Variants in B4GALT6 observed in about 807,000 individuals in gnomAD.
B4GALT6 encodes beta-1,4-galactosyltransferase 6.
A neutral mutation model predicts 46.3 loss-of-function variants in B4GALT6; 14 were observed. The observed-to-expected ratio is 0.30, with a 90% CI of 0.20 to 0.47. B4GALT6 has a LOEUF of 0.47. Ranked by LOEUF, B4GALT6 falls within the 20% of genes least tolerant of loss-of-function variation. B4GALT6 has a pLI of 0.99. For synonymous variants in B4GALT6, 168 were observed against 162.0 expected (o/e 1.04, Z -0.28); for missense variants, 386 against 480.1 (o/e 0.80, Z 1.83).
upstream of B4GALT6, chr18:31,684,866 CCGG>C: frequency 1.3e-6 from 1 of 749,490 alleles, no homozygotes; most frequent in Non-Finnish European, 1.6e-6. Flanking sequence ...CTGCCCGCGC[CCGG>C]CGGGGTCCCG....
chr18:31,680,791 T>C (rs1026143575), intron 1 of B4GALT6, among the ~76,000 whole-genome samples: 2 of 152,252 alleles, frequency 1.3e-5, no homozygotes, highest in Admixed American at 6.5e-5. Context: ...CTCAAGCATC[T>C]GAACACCATG....
At chr18:31,711,256 A>C in the B4GALT6 span, among the ~76,000 whole-genome samples, 9 of 152,094 alleles carry the variant, frequency 5.9e-5, no homozygotes, top group Non-Finnish European at 1.3e-4. Context: ...TTTTATTTTA[A>C]ATTTTTAAAT....
At chr18:31,660,747 A>G (rs2074203487) in intron 2 of B4GALT6, among the ~76,000 whole-genome samples, 1 of 152,180 alleles carries the variant, frequency 6.6e-6, no homozygotes, top group South Asian at 2.1e-4. Flanking sequence ...AAGACAAATT[A>G]TCAAAGAAAT....
chr18:31,659,985 C>T (rs1307161596), intron 2 of B4GALT6, among the ~76,000 whole-genome samples: 1 of 128,080 alleles, frequency 7.8e-6, no homozygotes, highest in African/African-American at 3.0e-5. Context: ...CAGGATCTTG[C>T]TGTGTCACAT....
chr18:31,685,799 C>G (rs1026555941), upstream of B4GALT6: 3 of 152,324 alleles, frequency 2.0e-5, no homozygotes, highest in Admixed American at 2.0e-4. Context: ...CCTCGAGGAA[C>G]AAGGTGTATT....
intron 5 of B4GALT6, among the ~76,000 whole-genome samples, chr18:31,631,974 C>A (rs1251664649): frequency 6.6e-6 from 1 of 152,042 alleles, no homozygotes; most frequent in Non-Finnish European, 1.5e-5. Context: ...TACACAGAAC[C>A]CAACTCCCTA....
intron 4 of B4GALT6, among the ~76,000 whole-genome samples, chr18:31,639,225 G>C (rs898687697): frequency 2.6e-5 from 4 of 152,130 alleles, no homozygotes; most frequent in African/African-American, 9.7e-5. Flanking sequence ...TAAGAGGTAA[G>C]CTAGCAGGGT....
intron 5 of B4GALT6, among the ~76,000 whole-genome samples, chr18:31,633,915 G>A (rs1402903173): frequency 6.6e-6 from 1 of 152,214 alleles, no homozygotes; most frequent in Non-Finnish European, 1.5e-5. Context: ...GCAAAAGAAG[G>A]GGACTTGTCT....
chr18:31,624,315 C>T lies in B4GALT6; in HGVS notation c.*1299G>A, dbSNP rs542990673. The T allele has an allele frequency of 2.0e-4, 31 of 151,816 alleles. No homozygotes were observed. Among genetic ancestry groups the T allele is most frequent in the African/African-American group, 6.3e-4 (26 of 41,462 alleles). 9.4% of individuals were successfully genotyped at this position (151,816 alleles called of 1,614,324 possible). A position where few individuals can be genotyped will look rare whatever the true frequency, so the allele number is the denominator to read the frequency against. On this transcript the variant is annotated 3_prime_UTR_variant, in exon 9 of 9. Coordinates refer to ENST00000306851, the MANE Select transcript of B4GALT6 (RefSeq NM_004775.5). ...CATATAGAAGACATTATAATATCAG[C>T]GCACTGAATACTGATCATGTATTTT...
chr18:31,721,185 G>T, the B4GALT6 span, among the ~76,000 whole-genome samples: 1 of 151,900 alleles, frequency 6.6e-6, no homozygotes. Context: ...GGGGCCTGTC[G>T]GGGGGTGGGG....
At chr18:31,643,411 G>A (rs573421879) in intron 4 of B4GALT6, among the ~76,000 whole-genome samples, 5 of 152,220 alleles carry the variant, frequency 3.3e-5, no homozygotes, top group Non-Finnish European at 5.9e-5. Flanking sequence ...CAAATCTCAC[G>A]CCTCAGCCTC....
intron 6 of B4GALT6, among the ~76,000 whole-genome samples, chr18:31,629,019 G>A (rs1038427020): frequency 4.6e-5 from 7 of 152,144 alleles, no homozygotes; most frequent in East Asian, 3.8e-4. Context: ...ACGTGAGGAC[G>A]ATGAGGATGA....
At chr18:31,723,950 ACCCACCCCAC>A in the B4GALT6 span, among the ~76,000 whole-genome samples, 26 of 150,206 alleles carry the variant, frequency 1.7e-4, no homozygotes, top group Admixed American at 5.9e-4. Context: ...CGCACCTCCA[ACCCACCCCAC>A]CCCACCCCAC....
At chr18:31,665,456 T>C (rs1031259138) in intron 2 of B4GALT6, among the ~76,000 whole-genome samples, 18 of 152,108 alleles carry the variant, frequency 1.2e-4, no homozygotes, top group African/African-American at 3.1e-4. Flanking sequence ...AAGACAAGAG[T>C]AGGCCGGGCA....
At chr18:31,707,082 GACC>G in the B4GALT6 span, among the ~76,000 whole-genome samples, 4 of 152,042 alleles carry the variant, frequency 2.6e-5, no homozygotes, top group African/African-American at 9.7e-5. Context: ...TCATAAGAGG[GACC>G]ACACAGCAGA....
chr18:31,708,469 G>A, the B4GALT6 span, among the ~76,000 whole-genome samples: 1 of 152,134 alleles, frequency 6.6e-6, no homozygotes, highest in East Asian at 1.9e-4. Context: ...GGAGGCTGAG[G>A]CAGGATAATT....
intron 3 of B4GALT6, among the ~76,000 whole-genome samples, chr18:31,657,033 A>G (rs2074148690): frequency 6.6e-6 from 1 of 152,230 alleles, no homozygotes; most frequent in Admixed American, 6.5e-5. Flanking sequence ...AAAGTGGTAC[A>G]TTCATGCTTT....
intron 3 of B4GALT6, among the ~76,000 whole-genome samples, chr18:31,648,418 T>C (rs889914331): frequency 2.6e-5 from 4 of 152,182 alleles, no homozygotes; most frequent in Non-Finnish European, 5.9e-5. Context: ...GCAGGAGAAC[T>C]GAGTGTCTGA....
At chr18:31,658,656 A>T (rs1216682541) in intron 2 of B4GALT6, among the ~76,000 whole-genome samples, 1 of 152,204 alleles carries the variant, frequency 6.6e-6, no homozygotes, top group East Asian at 1.9e-4. Context: ...CATTAGGTCC[A>T]TTATCTTTAG....
Sources: gnomAD v4.1 joint callset for allele counts (sites outside exome capture counted in the v4.1 genomes callset) on GRCh38, gnomAD v4.1.1 for gene constraint, MANE v1.5 for transcripts, NCBI Gene and HGNC (gene_info 2026-07-23, HGNC 2026-07-21) for gene names.